The following CSMD1 variants were observed in gnomAD, a reference collection of about 807,000 sequenced individuals.
CSMD1 encodes CUB and sushi domain-containing protein 1.
In CSMD1, 213 loss-of-function variants were observed where a neutral mutation model predicts 417.5. The ratio of observed to expected loss-of-function variants is 0.51; its 90% CI spans 0.46 to 0.57. The LOEUF (loss-of-function observed/expected upper bound fraction) is 0.57. CSMD1 is among the 20% of genes least tolerant of loss of function. The probability of loss-of-function intolerance (pLI) is 0.00; values close to 1 mark genes in which losing one functional copy is unlikely to be tolerated. For missense variants in CSMD1, 6,923 were observed against 4,529.7 expected (o/e 1.53, Z -15.17); for synonymous variants, 2,862 against 1,736.8 (o/e 1.65, Z -16.11).
At chr8:4,838,396 C>A (rs1429586243) in intron 1 of CSMD1, among the ~76,000 whole-genome samples, 2 of 152,144 alleles carry the variant, frequency 1.3e-5, no homozygotes, top group African/African-American at 4.8e-5. Flanking sequence ...TAGAAGATTG[C>A]AACCTGATAT....
intron 1 of CSMD1, among the ~76,000 whole-genome samples, chr8:4,782,906 G>T (rs772644955): frequency 1.1e-4 from 16 of 150,432 alleles, no homozygotes; most frequent in African/African-American, 3.2e-4. Flanking sequence ...AGGCAGAAAA[G>T]TGCCATATTT....
At chr8:3,453,157 G>A (rs1272435549) in intron 12 of CSMD1, among the ~76,000 whole-genome samples, 3 of 152,030 alleles carry the variant, frequency 2.0e-5, no homozygotes, top group East Asian at 1.9e-4. Flanking sequence ...TGGGATTGGT[G>A]GTGATATCCC....
At chr8:3,504,257 CAT>C (rs1796730679) in intron 10 of CSMD1, among the ~76,000 whole-genome samples, 2 of 64,752 alleles carry the variant, frequency 3.1e-5, no homozygotes, top group Admixed American at 1.6e-4. Flanking sequence ...TTTAAAAAAA[CAT>C]TTTTTTTAAG....
intron 3 of CSMD1, among the ~76,000 whole-genome samples, chr8:4,081,544 C>G (rs555905545): frequency 6.6e-6 from 1 of 152,094 alleles, no homozygotes; most frequent in Non-Finnish European, 1.5e-5. Context: ...GGAAAGGAAC[C>G]GAAGCTGTGC....
chr8:3,861,394 T>G (rs1804698490), intron 5 of CSMD1, among the ~76,000 whole-genome samples: 1 of 152,218 alleles, frequency 6.6e-6, no homozygotes, highest in Non-Finnish European at 1.5e-5. Context: ...GCATTGTTCA[T>G]GGTGAAAATA....
At chr8:4,852,414 G>C (rs1362116315) in intron 1 of CSMD1, among the ~76,000 whole-genome samples, 3 of 152,100 alleles carry the variant, frequency 2.0e-5, no homozygotes, top group African/African-American at 7.2e-5. Context: ...CTCTTGCTAT[G>C]TGATGCACTG....
intron 3 of CSMD1, among the ~76,000 whole-genome samples, chr8:4,086,894 G>C (rs115651902): frequency 0.017 from 2,560 of 152,272 alleles, 83 homozygotes; most frequent in African/African-American, 0.058. Flanking sequence ...GTAAATGTTG[G>C]CAACAATCAG....
intron 5 of CSMD1, among the ~76,000 whole-genome samples, chr8:3,895,715 T>A (rs1003014715): frequency 1.1e-4 from 17 of 152,234 alleles, no homozygotes; most frequent in African/African-American, 4.1e-4. Context: ...CTTGTCAATT[T>A]ATTTGCTTGT....
At chr8:3,078,760 A>C (rs985362138) in intron 49 of CSMD1, among the ~76,000 whole-genome samples, 1 of 152,194 alleles carries the variant, frequency 6.6e-6, no homozygotes, top group Non-Finnish European at 1.5e-5. Flanking sequence ...CAAGAAGGGA[A>C]GTATGTTACC....
chr8:4,764,331 T>A (rs1259990934), intron 1 of CSMD1, among the ~76,000 whole-genome samples: 1 of 152,132 alleles, frequency 6.6e-6, no homozygotes, highest in Non-Finnish European at 1.5e-5. Flanking sequence ...ATGTATAAAT[T>A]TAGAACCTAG....
intron 2 of CSMD1, among the ~76,000 whole-genome samples, chr8:4,452,059 A>G (rs1447043488): frequency 6.6e-6 from 1 of 151,964 alleles, no homozygotes; most frequent in Non-Finnish European, 1.5e-5. Context: ...GAGGAAGATT[A>G]GGGGCCAGAA....
chr8:4,694,714 G>C lies in CSMD1; in HGVS notation c.86-57156C>G, dbSNP rs968183174. The stretch of plus-strand genomic sequence containing the variant: ...GATGTCTCATGTTTCCCTACAATGT[G>C]TAACGTCAAGCTGTGCCCAACCACC... On this transcript the variant is annotated intron_variant, in intron 1 of 69. Transcript: ENST00000635120. Among the ~76,000 whole-genome samples the C allele has an allele frequency of 3.3e-5, 5 of 152,140 alleles. No homozygotes were observed. The South Asian group carries it at 8.3e-4, about 25-fold the overall frequency.
intron 23 of CSMD1, among the ~76,000 whole-genome samples, chr8:3,310,869 A>G (rs938722495): frequency 6.6e-6 from 1 of 151,770 alleles, no homozygotes; most frequent in Non-Finnish European, 1.5e-5. Flanking sequence ...TTCAAGGGGC[A>G]AAAGAAATCT....
At chr8:4,426,246 A>T (rs1797545972) in intron 2 of CSMD1, among the ~76,000 whole-genome samples, 1 of 151,930 alleles carries the variant, frequency 6.6e-6, no homozygotes, top group African/African-American at 2.4e-5. Flanking sequence ...CCAGTAAAAT[A>T]ACTTATTTTT....
intron 33 of CSMD1, among the ~76,000 whole-genome samples, chr8:3,192,416 T>G (rs1796478404): frequency 6.6e-6 from 1 of 152,214 alleles, no homozygotes; most frequent in Admixed American, 6.5e-5. Context: ...TAATACATGC[T>G]TTATACACAT....
intron 3 of CSMD1, among the ~76,000 whole-genome samples, chr8:4,229,805 T>TC (rs963589251): frequency 6.6e-6 from 1 of 152,180 alleles, no homozygotes; most frequent in African/African-American, 2.4e-5. Context: ...CTTCCTTTTT[T>TC]CCCTCACAAA....
rs1380578790 is a variant in CSMD1 at position 4,300,147 on chromosome 8, C to T, written c.415+119806G>A. Among the ~76,000 whole-genome samples, 3 of 152,208 alleles carry T rather than the reference C, an allele frequency of 2.0e-5. No homozygotes were observed. The East Asian group carries it at 5.8e-4, about 29-fold the overall frequency. The stretch of plus-strand genomic sequence containing the variant: ...TGAGTGCTTTTGACTGCATAGTTAT[C>T]TTTCATAAAAACAACAACAAAACAG... On this transcript the variant is annotated intron_variant, in intron 3 of 69. Transcript: ENST00000635120.
At chr8:3,769,368 T>C (rs1430059695) in intron 5 of CSMD1, among the ~76,000 whole-genome samples, 1 of 151,910 alleles carries the variant, frequency 6.6e-6, no homozygotes, top group South Asian at 2.1e-4. Flanking sequence ...GATAACAATA[T>C]CCATTAAATA....
At chr8:4,165,752 T>C (rs1016781172) in intron 3 of CSMD1, among the ~76,000 whole-genome samples, 3 of 152,200 alleles carry the variant, frequency 2.0e-5, no homozygotes, top group Admixed American at 2.0e-4. Context: ...TCATCATTTC[T>C]TCCTGGTCAT....
Sources: gnomAD v4.1 joint callset for allele counts (sites outside exome capture counted in the v4.1 genomes callset) on GRCh38, gnomAD v4.1.1 for gene constraint, MANE v1.5 for transcripts, NCBI Gene and HGNC (gene_info 2026-07-23, HGNC 2026-07-21) for gene names.